The following DAB1 variants were observed in gnomAD, a reference collection of about 807,000 sequenced individuals.
DAB1 encodes the protein DAB adaptor protein 1, also known as disabled homolog 1.
A neutral mutation model predicts 64.6 loss-of-function variants in DAB1; 15 were observed. The ratio of observed to expected loss-of-function variants is 0.23; its 90% CI spans 0.16 to 0.36. The LOEUF is 0.36. Among genes scored for constraint, DAB1 ranks in the 10% least tolerant of loss-of-function variants. The probability of loss-of-function intolerance (pLI) is 1.00; values close to 1 mark genes in which losing one functional copy is unlikely to be tolerated. For synonymous variants in DAB1, 235 were observed against 251.9 expected (o/e 0.93, Z 0.64); for missense variants, 596 against 706.7 (o/e 0.84, Z 1.78).
intron 3 of DAB1, chr1:58,474,089 T>C: frequency 2.2e-6 from 1 of 457,918 alleles, no homozygotes; most frequent in Non-Finnish European, 4.3e-6. Context: ...CAATAAAGCA[T>C]CAAGCATTCC....
chr1:57,833,902 T>C (rs1652697793), intron 1 of DAB1, among the ~76,000 whole-genome samples: 1 of 152,200 alleles, frequency 6.6e-6, no homozygotes, highest in Non-Finnish European at 1.5e-5. Flanking sequence ...TCAGGAACAA[T>C]CTGATGTGCT....
In DAB1 at chr1:58,311,190, C is replaced by T. The variant is rs952925188; in HGVS notation, n.309+32162G>A. Among the ~76,000 whole-genome samples, 17 of 152,254 alleles carry T rather than the reference C, an allele frequency of 1.1e-4. No individual in the cohort carries two copies. The South Asian group carries it at 3.1e-3, about 28-fold the overall frequency. ...AGTATCTTGATGTCTAATCAAGTTCCTCTTAGTAGTTTTCCAACCACTGAC... is the reference window on the plus strand; with the variant it reads ...AGTATCTTGATGTCTAATCAAGTTCTTCTTAGTAGTTTTCCAACCACTGAC... On this transcript the variant is annotated intron_variant and non_coding_transcript_variant, in intron 4 of 20. Coordinates refer to the DAB1 transcript ENST00000485760.
intron 3 of DAB1, 119 bp from the exon 4 acceptor site, chr1:57,136,760 T>C (rs1311942000): frequency 3.1e-5 from 15 of 485,042 alleles, no homozygotes; most frequent in African/African-American, 3.9e-5. Flanking sequence ...CTGCTTTCCC[T>C]TCGCACTTCC....
intron 2 of DAB1, among the ~76,000 whole-genome samples, chr1:57,183,183 T>G (rs17115257): frequency 0.065 from 9,887 of 152,110 alleles, 484 homozygotes; most frequent in East Asian, 0.16. Flanking sequence ...AGCCTGAAAC[T>G]GACGGGGAAC....
intron 7 of DAB1, among the ~76,000 whole-genome samples, chr1:57,507,269 C>T (rs1477649211): frequency 6.6e-6 from 1 of 152,192 alleles, no homozygotes; most frequent in Admixed American, 6.5e-5. Context: ...TGTGCCGTCT[C>T]TGATTATGGA....
chr1:58,156,657 A>G (rs1407272266), intron 4 of DAB1, among the ~76,000 whole-genome samples: 1 of 152,214 alleles, frequency 6.6e-6, no homozygotes, highest in East Asian at 1.9e-4. Context: ...GTGTAAGGCA[A>G]GATCTGAAAG....
intron 3 of DAB1, among the ~76,000 whole-genome samples, chr1:58,450,391 G>A (rs1382299115): frequency 1.3e-5 from 2 of 152,194 alleles, no homozygotes; most frequent in East Asian, 1.9e-4. Flanking sequence ...CCCACTCCGG[G>A]AGGTGGAGCT....
chr1:57,999,563 GC>G (rs1646476336), intron 5 of DAB1, among the ~76,000 whole-genome samples: 2 of 152,158 alleles, frequency 1.3e-5, no homozygotes, highest in Admixed American at 6.5e-5. Context: ...GAGCAATTCT[GC>G]CCCCAGCAGA....
intron 4 of DAB1, among the ~76,000 whole-genome samples, chr1:58,171,166 C>G (rs897567461): frequency 6.6e-6 from 1 of 152,120 alleles, no homozygotes; most frequent in Non-Finnish European, 1.5e-5. Context: ...ATATGGGGAA[C>G]AAGTTACCCA....
At chr1:57,956,508 C>T (rs886606949) in intron 5 of DAB1, among the ~76,000 whole-genome samples, 3 of 152,126 alleles carry the variant, frequency 2.0e-5, no homozygotes, top group African/African-American at 7.2e-5. Flanking sequence ...GTACAGAAGG[C>T]CACTTATGTA....
chr1:58,544,447 C>T (rs1646670035), intron 1 of DAB1, among the ~76,000 whole-genome samples: 1 of 152,152 alleles, frequency 6.6e-6, no homozygotes, highest in African/African-American at 2.4e-5. Flanking sequence ...CCAAACTATT[C>T]ACAATTATTT....
At chr1:58,417,015 A>C (rs977562458) in intron 3 of DAB1, among the ~76,000 whole-genome samples, 6 of 152,226 alleles carry the variant, frequency 3.9e-5, no homozygotes, top group Non-Finnish European at 7.3e-5. Flanking sequence ...TTTTGAAATG[A>C]ATGTCACCCT....
At chr1:57,514,363 T>C (rs867996544) in intron 7 of DAB1, among the ~76,000 whole-genome samples, 1 of 152,238 alleles carries the variant, frequency 6.6e-6, no homozygotes, top group East Asian at 1.9e-4. Context: ...TTTTTGATAA[T>C]AGTCCGTTTA....
At chr1:57,831,783 T>A (rs901141995) in intron 1 of DAB1, among the ~76,000 whole-genome samples, 1 of 152,104 alleles carries the variant, frequency 6.6e-6, no homozygotes, top group Non-Finnish European at 1.5e-5. Flanking sequence ...GCTCAAGTAA[T>A]CCTTCAACCT....
At chr1:57,959,323 G>C (rs984584614) in intron 5 of DAB1, among the ~76,000 whole-genome samples, 1 of 152,180 alleles carries the variant, frequency 6.6e-6, no homozygotes, top group East Asian at 1.9e-4. Context: ...AATGGTAGCT[G>C]TGTATGTATT....
intron 2 of DAB1, among the ~76,000 whole-genome samples, chr1:57,153,623 GT>G (rs55813762): frequency 0.13 from 18,717 of 148,048 alleles, 2,332 homozygotes; most frequent in African/African-American, 0.32. Flanking sequence ...TATGTATGGG[GT>G]TTTTTTTTTG....
intron 6 of DAB1, among the ~76,000 whole-genome samples, chr1:57,763,114 G>T (rs1649157068): frequency 6.6e-6 from 1 of 152,138 alleles, no homozygotes; most frequent in East Asian, 1.9e-4. Flanking sequence ...ATGCGACACA[G>T]GATGTATCAC....
chr1:57,018,093 C>T (rs926343378), intron 11 of DAB1, among the ~76,000 whole-genome samples: 1 of 152,114 alleles, frequency 6.6e-6, no homozygotes, highest in South Asian at 2.1e-4. Flanking sequence ...CACCTAGAAT[C>T]GACTTTGAAT....
intron 5 of DAB1, among the ~76,000 whole-genome samples, chr1:58,041,630 G>C (rs537010291): frequency 6.6e-6 from 1 of 152,322 alleles, no homozygotes; most frequent in African/African-American, 2.4e-5. Flanking sequence ...TTCCAAGTCA[G>C]TCTGGCTGCA....
Sources: gnomAD v4.1 joint callset for allele counts (sites outside exome capture counted in the v4.1 genomes callset) on GRCh38, gnomAD v4.1.1 for gene constraint, MANE v1.5 for transcripts, NCBI Gene and HGNC (gene_info 2026-07-23, HGNC 2026-07-21) for gene names.